Variants in UMODL1 observed in about 807,000 individuals in gnomAD.
UMODL1 encodes uromodulin-like 1.
In UMODL1, 128 loss-of-function variants were observed where a neutral mutation model predicts 136.3. The observed-to-expected ratio is 0.94, with a 90% CI of 0.81 to 1.09. UMODL1 has a LOEUF of 1.09. Among genes scored for constraint, UMODL1 ranks in the 50% least tolerant of loss-of-function variants. The pLI, the probability that UMODL1 is intolerant of heterozygous loss-of-function variation, is 0.00. For synonymous variants in UMODL1, 721 were observed against 720.0 expected, an observed-to-expected ratio of 1.00 and a Z score of -0.02; for missense variants, 1,766 against 1,725.6, an observed-to-expected ratio of 1.02 and a Z score of -0.41.
chr21:42,074,019 C>A lies in UMODL1; in HGVS notation c.77-1986C>A, dbSNP rs1198354342. Among the ~76,000 whole-genome samples the A allele has an allele frequency of 4.6e-5, 7 of 152,282 alleles. No individual in the cohort carries two copies. In the East Asian group the frequency reaches 9.6e-4, roughly 21 times the overall value. On this transcript the variant is annotated intron_variant, in intron 1 of 22. Coordinates refer to ENST00000408910, the MANE Select transcript of UMODL1 (RefSeq NM_001004416.3). The stretch of plus-strand genomic sequence containing the variant: ...GTGCCACGGGGGAGCTGGAGGGGAC[C>A]CTTCACCATCCCTGTGTGCACTGGC...
rs563133234 is a variant in UMODL1 at position 42,082,580 on chromosome 21, C to G, written c.320-1504C>G. ...TATGGAGGCCACAGAGCTGGGCAAG[C>G]CTTCTCTGGGGCCCAGCACTGGGGT... On this transcript the variant is annotated intron_variant, in intron 2 of 22. Transcript: ENST00000408910. Among the ~76,000 whole-genome samples the G allele has an allele frequency of 2.4e-3, 361 of 152,302 alleles. 1 individual carries two copies. The highest frequency in any genetic ancestry group is 2.7e-3 in the Admixed American group (41 of 15,310).
intron 1 of UMODL1, among the ~76,000 whole-genome samples, chr21:42,072,862 T>C (rs1337362004): frequency 6.6e-6 from 1 of 152,238 alleles, no homozygotes; most frequent in Non-Finnish European, 1.5e-5. Flanking sequence ...TGATGGCCCT[T>C]GTGGGTCTTT....
At chr21:42,129,855 C>T (rs1200879431) in intron 21 of UMODL1, 58 bp downstream of exon 21, 27 of 1,296,196 alleles carry the variant, frequency 2.1e-5, no homozygotes, top group Non-Finnish European at 2.8e-5. Flanking sequence ...TTCCTTTTCA[C>T]CAGCATGTAA....
chr21:42,104,954 A>G (rs928328646), intron 9 of UMODL1, among the ~76,000 whole-genome samples: 13 of 152,184 alleles, frequency 8.5e-5, no homozygotes, highest in African/African-American at 3.1e-4. Context: ...CTCTAGATCC[A>G]CAAGCTCCAG....
intron 17 of UMODL1, 35 bp from the exon 18 acceptor site, chr21:42,126,310 G>A: frequency 6.2e-7 from 1 of 1,611,872 alleles, no homozygotes; most frequent in South Asian, 1.1e-5. Context: ...GCCGGCTGGG[G>A]CCTGGGAGCT....
chr21:42,121,171 G>T lies in UMODL1; in HGVS notation c.2774G>T (p.Cys925Phe). The change falls in exon 16 of 23, where the codon TGC becomes TTC. Residue 925 changes from cysteine (C) to phenylalanine (F), a missense_variant. By Grantham distance (205) the Cys-to-Phe change is radical (BLOSUM62 -2). Coordinates refer to ENST00000408910, the MANE Select transcript of UMODL1 (RefSeq NM_001004416.3). The stretch of plus-strand genomic sequence containing the variant: ...ACCCTCGGGTCTTTCACTTGTAGCT[G>T]CGAGGGAGGAGCCCCCGACTTCCCT... ...RNTLGSFTCS[C>F]EGGAPDFPVE... 1 of 1,614,136 alleles carries T rather than the reference G, an allele frequency of 6.2e-7. No homozygotes were observed. The highest frequency in any genetic ancestry group is 1.1e-5 in the South Asian group (1 of 91,050).
At chr21:42,063,685 A>G (rs1050565229) in intron 1 of UMODL1, among the ~76,000 whole-genome samples, 4 of 152,208 alleles carry the variant, frequency 2.6e-5, no homozygotes, top group Admixed American at 2.6e-4. Context: ...TGGTGCACGC[A>G]AGGAGCTATC....
chr21:42,069,227 G>C (rs903192206), upstream of UMODL1, among the ~76,000 whole-genome samples: 1 of 26,428 alleles, frequency 3.8e-5, no homozygotes, highest in Non-Finnish European at 1.1e-4. Flanking sequence ...AACACAGACA[G>C]AAACACACAC....
At chr21:42,109,733 A>AC (rs1569161194) in intron 10 of UMODL1, 34 bp downstream of exon 10, 3 of 1,590,932 alleles carry the variant, frequency 1.9e-6, no homozygotes, top group Non-Finnish European at 2.6e-6. Flanking sequence ...CTCTGGGAAG[A>AC]CCCCCTGCCC....
Position 42,123,022 on chromosome 21 carries a change from C to T in UMODL1, c.3019C>T (p.Leu1007=), listed in dbSNP as rs1013029509. 6.2e-7 allele frequency: 1 copy of T among 1,614,134 alleles called. No homozygotes were observed. Among genetic ancestry groups the T allele is most frequent in the African/African-American group, 1.3e-5 (1 of 75,040 alleles). ...KVVVAIQKRF[L]QQESIPESSL... Reference sequence around the variant, plus strand: ...GGTTGTCGCCATCCAGAAGCGCTTCCTGCAGCAGGAATCCATCCCCGAGTC... The same window carrying T: ...GGTTGTCGCCATCCAGAAGCGCTTCTTGCAGCAGGAATCCATCCCCGAGTC... Residue 1007 remains leucine, a synonymous_variant, in exon 17 of 23, where the codon CTG becomes TTG. Coordinates refer to ENST00000408910, the MANE Select transcript of UMODL1 (RefSeq NM_001004416.3). This position sits in a 1 kb window ranked among gnomAD's most constrained non-coding sequence, Gnocchi z 4.4.
chr21:42,104,209 A>C (rs1432841357), intron 9 of UMODL1, 122 bp downstream of exon 9: 26 of 1,091,374 alleles, frequency 2.4e-5, no homozygotes, highest in Non-Finnish European at 3.2e-5. Context: ...TCCTTATTCT[A>C]TCTTCCTCCA....
intron 12 of UMODL1, 100 bp downstream of exon 12, chr21:42,111,810 G>T (rs1361432425): frequency 5.8e-6 from 7 of 1,209,602 alleles, no homozygotes; most frequent in Non-Finnish European, 7.9e-6. Flanking sequence ...GTCGCAGGCT[G>T]CTAGCAATGC....
chr21:42,080,379 C>T (rs900752209), intron 2 of UMODL1, among the ~76,000 whole-genome samples: 8 of 152,168 alleles, frequency 5.3e-5, no homozygotes, highest in Non-Finnish European at 1.2e-4. Flanking sequence ...CCAGGTCACC[C>T]GAGTGTGGGT....
chr21:42,102,339 C>G, intron 8 of UMODL1, 61 bp downstream of exon 8: 1 of 1,239,974 alleles, frequency 8.1e-7, no homozygotes, highest in Non-Finnish European at 1.1e-6. Context: ...ACATCAAACA[C>G]AAGCCGTTAA....
At chr21:42,134,899 T>C (rs933445304) in intron 21 of UMODL1, among the ~76,000 whole-genome samples, 9 of 152,120 alleles carry the variant, frequency 5.9e-5, no homozygotes, top group Admixed American at 2.0e-4. Flanking sequence ...TCTGGGATTA[T>C]AGGCGTGAGC....
chr21:42,098,703 G>T (rs1481517897), intron 6 of UMODL1, among the ~76,000 whole-genome samples: 2 of 152,158 alleles, frequency 1.3e-5, no homozygotes, highest in African/African-American at 2.4e-5. Flanking sequence ...GGAGGCAGAG[G>T]TTGCAGTGAG....
chr21:42,082,490 C>T (rs1053354293), intron 2 of UMODL1, among the ~76,000 whole-genome samples: 1 of 152,228 alleles, frequency 6.6e-6, no homozygotes, highest in Non-Finnish European at 1.5e-5. Context: ...TGTATCTGGG[C>T]ATGAACTGGA....
intron 2 of UMODL1, among the ~76,000 whole-genome samples, chr21:42,081,312 G>A (rs112350442): frequency 0.039 from 5,972 of 152,302 alleles, 170 homozygotes; most frequent in Middle Eastern, 0.085. Context: ...CTCAGCCCTG[G>A]GAGCCTTGGG....
Position 42,134,797 on chromosome 21 carries a change from AT to A in UMODL1, c.3776-2635del, listed in dbSNP as rs968800994. Among the ~76,000 whole-genome samples the A allele has an allele frequency of 2.1e-5, 3 of 143,282 alleles. No homozygotes were observed. The East Asian group carries it at 6.1e-4, about 29-fold the overall frequency. The allele number at this position is 143,282 out of a possible 152,430, so 94.0% of individuals were successfully genotyped here. On this transcript the variant is annotated intron_variant, in intron 21 of 22. Transcript: ENST00000408910. ...GTCTGGCTATTTTTTTTTTTTTTAT[AT>A]TTTTTTAGTAGAGACGGGGGTTTTA...
Sources: allele counts gnomAD v4.1 joint callset (sites outside exome capture counted in the v4.1 genomes callset), GRCh38; gene constraint gnomAD v4.1.1; non-coding constraint Gnocchi (gnomAD v3.1); transcripts MANE v1.5; gene names NCBI Gene and HGNC (gene_info 2026-07-23, HGNC 2026-07-21).